CDH13: variants seen among roughly 807,000 people sequenced by gnomAD.
The protein encoded by CDH13 is cadherin 13, also known as cadherin-13.
In CDH13, 24 loss-of-function variants were observed where a neutral mutation model predicts 63.8. The observed-to-expected ratio is 0.38, with a 90% CI of 0.27 to 0.53. The LOEUF (loss-of-function observed/expected upper bound fraction) is 0.53, where lower values mean the gene tolerates loss of function less well. Among genes scored for constraint, CDH13 ranks in the 20% least tolerant of loss-of-function variants. The pLI, the probability that CDH13 is intolerant of heterozygous loss-of-function variation, is 0.85. For synonymous variants in CDH13, 503 were observed against 355.3 expected, an observed-to-expected ratio of 1.42 and a Z score of -4.67; for missense variants, 1,049 against 903.1, an observed-to-expected ratio of 1.16 and a Z score of -2.07.
At chr16:83,015,314 C>A (rs943026426) in intron 2 of CDH13, among the ~76,000 whole-genome samples, 1 of 151,736 alleles carries the variant, frequency 6.6e-6, no homozygotes. Flanking sequence ...TGAGAAATCT[C>A]ACCCTTAATT....
At chr16:82,725,029 C>G (rs1308623525) in intron 1 of CDH13, among the ~76,000 whole-genome samples, 1 of 152,112 alleles carries the variant, frequency 6.6e-6, no homozygotes, top group African/African-American at 2.4e-5. Context: ...CTTGGCAATA[C>G]TAAGTTCTTG....
intron 1 of CDH13, among the ~76,000 whole-genome samples, chr16:82,660,605 G>A (rs926895738): frequency 6.6e-6 from 1 of 151,934 alleles, no homozygotes; most frequent in African/African-American, 2.4e-5. Context: ...GGGCCCAGGA[G>A]GGAAGCTTCC....
chr16:83,778,296 G>A (rs9921657), intron 11 of CDH13, among the ~76,000 whole-genome samples: 38,250 of 152,164 alleles, frequency 0.25, 5,535 homozygotes, highest in East Asian at 0.62. Context: ...TTGGGAGGCC[G>A]AGGCAGGTGG....
intron 10 of CDH13, among the ~76,000 whole-genome samples, chr16:83,687,294 A>C (rs1904400385): frequency 6.6e-6 from 1 of 152,188 alleles, no homozygotes; most frequent in Non-Finnish European, 1.5e-5. Flanking sequence ...GTAATTTATA[A>C]AGAAAATGAT....
intron 2 of CDH13, among the ~76,000 whole-genome samples, chr16:82,978,116 T>A (rs186890758): frequency 6.6e-6 from 1 of 152,314 alleles, no homozygotes; most frequent in East Asian, 1.9e-4. Flanking sequence ...TTAGGGTATC[T>A]GGCAGAATAA....
At position 83,671,077 on chromosome 16, in the gene CDH13, C is replaced by T. The variant is rs977795838; in HGVS notation, c.1284+105C>T. 1.9e-5 allele frequency: 18 copies of T among 945,958 alleles called. No homozygotes were observed. In the African/African-American group the frequency reaches 2.3e-4, roughly 12 times the overall value. 58.6% of individuals were successfully genotyped at this position (945,958 alleles called of 1,614,324 possible). The stretch of plus-strand genomic sequence containing the variant: ...TTAGAAGGCCACAGATAAATTCCCC[C>T]AGTCTCCTCCTTCTGGGAATTAACA... On this transcript the variant is annotated intron_variant, in intron 9 of 13. Transcript: ENST00000567109.
chr16:82,692,159 G>T lies in CDH13; in HGVS notation c.45+65022G>T, dbSNP rs374284109. Among the ~76,000 whole-genome samples the T allele has an allele frequency of 2.0e-5, 3 of 152,254 alleles. No individual in the cohort carries two copies. The South Asian group carries it at 6.2e-4, about 31-fold the overall frequency. ...GTGCTGAAGGGAAGTCAAATGCTTA[G>T]GAGTGTAAGCTGCAGGAAGAAATAG... On this transcript the variant is annotated intron_variant, in intron 1 of 13. Coordinates refer to ENST00000567109, the MANE Select transcript of CDH13 (RefSeq NM_001257.5).
At position 83,393,157 on chromosome 16, in the gene CDH13, G is replaced by A. The variant is rs539881442; in HGVS notation, c.781+48151G>A. Among the ~76,000 whole-genome samples, 10 of 152,278 alleles carry A rather than the reference G, an allele frequency of 6.6e-5. No individual in the cohort carries two copies. The South Asian group carries it at 1.5e-3, about 22-fold the overall frequency. Reference sequence around the variant, plus strand: ...CCAAGGATACATCTGGTGCTATTCCGTGAGACCATGTCACCCAGAGCTGGT... The same window carrying A: ...CCAAGGATACATCTGGTGCTATTCCATGAGACCATGTCACCCAGAGCTGGT... On this transcript the variant is annotated intron_variant, in intron 6 of 13. Transcript: ENST00000567109.
rs1292706788 is a variant in CDH13, at chr16:83,678,235, C to G, written c.1312C>G (p.His438Asp). 1 of 1,613,512 alleles carries G rather than the reference C, an allele frequency of 6.2e-7. No homozygotes were observed. Among genetic ancestry groups the G allele is most frequent in the African/African-American group, 1.3e-5 (1 of 74,878 alleles). The part of the protein sequence containing the change: ...KPLDYEISAF[H>D]TLLIKVENED... ...ATTGGACTATGAAATTTCTGCCTTCCACACCCTGCTGATCAAAGTGGAAAA... is the reference window on the plus strand; with the variant it reads ...ATTGGACTATGAAATTTCTGCCTTCGACACCCTGCTGATCAAAGTGGAAAA... The change falls in exon 10 of 14, where the codon CAC becomes GAC. Residue 438 changes from histidine to aspartate, a missense_variant. Transcript: ENST00000567109.
chr16:83,593,951 C>G (rs1427271044), intron 7 of CDH13, among the ~76,000 whole-genome samples: 3 of 152,172 alleles, frequency 2.0e-5, no homozygotes, highest in Non-Finnish European at 4.4e-5. Flanking sequence ...AACTTAGTGA[C>G]TTGAGACAAG....
chr16:83,608,992 G>A (rs945064231), intron 8 of CDH13, among the ~76,000 whole-genome samples: 8 of 152,150 alleles, frequency 5.3e-5, no homozygotes, highest in African/African-American at 1.9e-4. Context: ...AGGGTTGATA[G>A]AAATTTTCTC....
rs373978782 is a variant in CDH13 at position 83,348,232 on chromosome 16, G to A, written c.781+3226G>A. Among the ~76,000 whole-genome samples the A allele has an allele frequency of 1.5e-4, 23 of 152,256 alleles. 1 individual carries two copies. Among genetic ancestry groups the A allele is most frequent in the African/African-American group, 5.1e-4 (21 of 41,554 alleles). ...AAGAGCCACGTGACCCACTGGGTCT[G>A]CTCTCTTGTTTCCATGTTTTACACC... On this transcript the variant is annotated intron_variant, in intron 6 of 13. Coordinates refer to ENST00000567109, the MANE Select transcript of CDH13 (RefSeq NM_001257.5).
intron 1 of CDH13, among the ~76,000 whole-genome samples, chr16:82,654,883 T>C (rs1911126199): frequency 6.6e-6 from 1 of 152,078 alleles, no homozygotes; most frequent in African/African-American, 2.4e-5. Flanking sequence ...CTTTCATCCC[T>C]CCCAACACTA....
intron 1 of CDH13, among the ~76,000 whole-genome samples, chr16:82,720,014 G>A (rs2032661792): frequency 6.6e-6 from 1 of 152,060 alleles, no homozygotes; most frequent in African/African-American, 2.4e-5. Context: ...CACGTTCCTG[G>A]TCACAAAAAC....
At chr16:83,183,154 C>T (rs995989905) in intron 4 of CDH13, among the ~76,000 whole-genome samples, 1 of 152,240 alleles carries the variant, frequency 6.6e-6, no homozygotes, top group South Asian at 2.1e-4. Flanking sequence ...ATTTGTATTT[C>T]AACCTGATAA....
In CDH13 at chr16:82,986,591, G is replaced by C. The variant is rs371154769; in HGVS notation, c.158-45419G>C. Among the ~76,000 whole-genome samples the C allele has an allele frequency of 9.2e-5, 14 of 152,322 alleles. No individual in the cohort carries two copies. In the East Asian group the frequency reaches 2.3e-3, roughly 25 times the overall value. ...TGGGCCTCTGCTGGATTTAACTCTA[G>C]ACTATTGGTTGAGCTAAGGTCTTCT... On this transcript the variant is annotated intron_variant, in intron 2 of 13. Transcript: ENST00000567109.
At chr16:82,680,889 G>C (rs1185086733) in intron 1 of CDH13, among the ~76,000 whole-genome samples, 1 of 152,186 alleles carries the variant, frequency 6.6e-6, no homozygotes, top group Non-Finnish European at 1.5e-5. Flanking sequence ...GAGCTGGAGA[G>C]AAAAAGACAC....
At chr16:83,521,093 C>T (rs1481750442) in intron 7 of CDH13, among the ~76,000 whole-genome samples, 1 of 152,174 alleles carries the variant, frequency 6.6e-6, no homozygotes, top group African/African-American at 2.4e-5. Context: ...CTTCAGTAAA[C>T]ATATTTAGGT....
chr16:83,738,144 C>T (rs527850854), intron 10 of CDH13, among the ~76,000 whole-genome samples: 5 of 152,278 alleles, frequency 3.3e-5, no homozygotes, highest in South Asian at 2.1e-4. Context: ...GCCCTTGTCA[C>T]GAGAGTAATT....
Sources: allele counts gnomAD v4.1 joint callset (sites outside exome capture counted in the v4.1 genomes callset), GRCh38; gene constraint gnomAD v4.1.1; transcripts MANE v1.5; gene names NCBI Gene and HGNC (gene_info 2026-07-23, HGNC 2026-07-21).